The following GRIN2B variants were observed in gnomAD, a reference collection of about 807,000 sequenced individuals.
The protein encoded by GRIN2B is glutamate receptor ionotropic, NMDA 2B.
Under a neutral mutation model 114.5 loss-of-function variants are expected in GRIN2B, and 5 were observed. The observed-to-expected ratio is 0.04, with a 90% CI of 0.02 to 0.09. The LOEUF (loss-of-function observed/expected upper bound fraction) is 0.09. Ranked by LOEUF, GRIN2B falls within the 10% of genes least tolerant of loss-of-function variation. The pLI, the probability that GRIN2B is intolerant of heterozygous loss-of-function variation, is 1.00. For missense variants in GRIN2B, 1,108 were observed against 1,943.5 expected, an observed-to-expected ratio of 0.57 and a Z score of 8.08; for synonymous variants, 787 against 745.1, an observed-to-expected ratio of 1.06 and a Z score of -0.92.
At chr12:13,873,760 T>C (rs955917490) in intron 2 of GRIN2B, among the ~76,000 whole-genome samples, 1 of 152,136 alleles carries the variant, frequency 6.6e-6, no homozygotes, top group South Asian at 2.1e-4. Context: ...TCATTTGTCA[T>C]TGAGTGACCC....
At chr12:13,716,774 A>G (rs1291823050) in intron 4 of GRIN2B, among the ~76,000 whole-genome samples, 1 of 151,948 alleles carries the variant, frequency 6.6e-6, no homozygotes, top group Non-Finnish European at 1.5e-5. Context: ...AAATGTTCCT[A>G]TCATTCCATT....
chr12:13,854,511 A>G (rs34850853), intron 3 of GRIN2B, among the ~76,000 whole-genome samples: 20,812 of 152,024 alleles, frequency 0.14, 1,567 homozygotes, highest in African/African-American at 0.18. Flanking sequence ...CTCCACCTCA[A>G]AACAAAACAA....
chr12:13,688,927 G>A (rs139599538), intron 4 of GRIN2B, among the ~76,000 whole-genome samples: 188 of 152,266 alleles, frequency 1.2e-3, no homozygotes, highest in African/African-American at 4.2e-3. Flanking sequence ...GATTCACACC[G>A]TAGAATAGCT....
At chr12:13,743,669 T>C (rs895876547) in intron 4 of GRIN2B, among the ~76,000 whole-genome samples, 2 of 151,946 alleles carry the variant, frequency 1.3e-5, no homozygotes, top group African/African-American at 4.8e-5. Flanking sequence ...GAAGCAAGTA[T>C]GTGAGGTTTC....
intron 3 of GRIN2B, among the ~76,000 whole-genome samples, chr12:13,787,696 A>G (rs986069414): frequency 3.3e-5 from 5 of 152,198 alleles, no homozygotes; most frequent in African/African-American, 1.2e-4. Flanking sequence ...CATGTAACAA[A>G]CTCAGAGACA....
At chr12:13,965,193 T>C (rs991389221) in intron 2 of GRIN2B, among the ~76,000 whole-genome samples, 9 of 152,346 alleles carry the variant, frequency 5.9e-5, no homozygotes, top group African/African-American at 2.2e-4. Flanking sequence ...CCAGATCTAA[T>C]AGGATTTGTT....
At chr12:13,891,933 C>A (rs1421456270) in intron 2 of GRIN2B, among the ~76,000 whole-genome samples, 1 of 152,128 alleles carries the variant, frequency 6.6e-6, no homozygotes, top group East Asian at 1.9e-4. Context: ...ATAAGACAAG[C>A]CTTGCCCTTT....
chr12:13,666,273 C>T (rs1166681898), intron 5 of GRIN2B, among the ~76,000 whole-genome samples: 2 of 152,136 alleles, frequency 1.3e-5, no homozygotes, highest in Admixed American at 1.3e-4. Context: ...ACCTTCAGAA[C>T]AGCTAGCTGA....
At position 13,741,917 on chromosome 12, in the gene GRIN2B, T is replaced by C. The variant is rs573652056; in HGVS notation, c.1010+11400A>G. ...ATACTTTTAAGCTTAAATTATGCTA[T>C]ATAAAGCCCTTGGCACATAGTATTC... is the stretch of plus-strand genomic sequence containing the variant. On this transcript the variant is annotated intron_variant, in intron 4 of 13. Transcript: ENST00000609686. Among the ~76,000 whole-genome samples the C allele has an allele frequency of 9.3e-4, 141 of 152,310 alleles. 1 individual carries two copies. The highest frequency in any genetic ancestry group is 3.4e-3 in the African/African-American group (140 of 41,564).
intron 5 of GRIN2B, among the ~76,000 whole-genome samples, chr12:13,667,690 AG>A (rs1162295096): frequency 6.6e-6 from 1 of 152,202 alleles, no homozygotes; most frequent in Non-Finnish European, 1.5e-5. Context: ...TCCTAGGAAG[AG>A]AAAAAAGTAG....
intron 2 of GRIN2B, among the ~76,000 whole-genome samples, chr12:13,905,808 A>G (rs193115982): frequency 4.9e-4 from 75 of 152,290 alleles, no homozygotes; most frequent in African/African-American, 1.8e-3. Flanking sequence ...TCTCAGGGAT[A>G]GGGTCTTGTT....
At chr12:13,860,556 T>C (rs537623518) in intron 3 of GRIN2B, among the ~76,000 whole-genome samples, 1 of 152,194 alleles carries the variant, frequency 6.6e-6, no homozygotes, top group Admixed American at 6.5e-5. Flanking sequence ...AACTCCTTAC[T>C]TAGGGTGATC....
chr12:13,585,907 G>A (rs964434221), intron 10 of GRIN2B, among the ~76,000 whole-genome samples: 2 of 152,220 alleles, frequency 1.3e-5, no homozygotes, highest in Admixed American at 1.3e-4. Flanking sequence ...ACAGTCGACA[G>A]CAAGATACGG....
At chr12:13,829,976 T>C (rs2136701900) in intron 3 of GRIN2B, among the ~76,000 whole-genome samples, 1 of 152,192 alleles carries the variant, frequency 6.6e-6, no homozygotes, top group Admixed American at 6.5e-5. Context: ...TAGGAGGGGC[T>C]GGGAGGATGG....
chr12:13,872,327 G>A (rs746975598), intron 2 of GRIN2B, among the ~76,000 whole-genome samples: 9 of 151,786 alleles, frequency 5.9e-5, no homozygotes, highest in South Asian at 2.1e-4. Context: ...GTGGTGGCAC[G>A]TGCCTGTAAT....
In GRIN2B at chr12:13,615,384, G is replaced by A; in HGVS notation, c.1500+109C>T. ...ATAGTGGGAACAATACATCTTATTT[G>A]CCATTTTATATTTTCTGAAATGCAT... On this transcript the variant is annotated intron_variant, in intron 7 of 13. Transcript: ENST00000609686. The surrounding 1 kb of genome is among the most constrained non-coding windows in gnomAD (Gnocchi z 5.8). The A allele has an allele frequency of 7.1e-7, 1 of 1,410,036 alleles. No homozygotes were observed. Among genetic ancestry groups the A allele is most frequent in the Non-Finnish European group, 1.0e-6 (1 of 994,352 alleles). 87.3% of individuals were successfully genotyped at this position (1,410,036 alleles called of 1,614,324 possible). A position where few individuals can be genotyped will look rare whatever the true frequency, so the allele number is the denominator to read the frequency against.
At chr12:13,604,343 G>C (rs749343540) in intron 10 of GRIN2B, among the ~76,000 whole-genome samples, 1 of 152,092 alleles carries the variant, frequency 6.6e-6, no homozygotes, top group South Asian at 2.1e-4. Context: ...TTTAACTCTC[G>C]TTTTCTACCT....
At chr12:13,691,613 T>C (rs11055587) in intron 4 of GRIN2B, among the ~76,000 whole-genome samples, 27,106 of 152,060 alleles carry the variant, frequency 0.18, 2,452 homozygotes, top group African/African-American at 0.22. Context: ...TTCGATATGA[T>C]TGGGGAAAGG....
intron 5 of GRIN2B, among the ~76,000 whole-genome samples, chr12:13,650,505 C>T (rs1949803168): frequency 6.6e-6 from 1 of 151,996 alleles, no homozygotes; most frequent in African/African-American, 2.4e-5. Context: ...TTTATCTTAC[C>T]CATGAAATCT....
Sources: gnomAD v4.1 joint callset for allele counts (sites outside exome capture counted in the v4.1 genomes callset) on GRCh38, gnomAD v4.1.1 for gene constraint, Gnocchi (gnomAD v3.1) non-coding constraint, MANE v1.5 for transcripts, NCBI Gene and HGNC (gene_info 2026-07-23, HGNC 2026-07-21) for gene names.